The following ORC3 variants were observed in gnomAD, a reference collection of about 807,000 sequenced individuals.
The protein encoded by ORC3 is homolog of latheo, Drosophila.
In ORC3, 78 loss-of-function variants were observed where a neutral mutation model predicts 100.7. The ratio of observed to expected loss-of-function variants is 0.77; its 90% CI spans 0.65 to 0.94. The LOEUF (loss-of-function observed/expected upper bound fraction) is 0.94, where lower values mean the gene tolerates loss of function less well. Ranked by LOEUF, ORC3 falls within the 40% of genes least tolerant of loss-of-function variation. ORC3 has a pLI of 0.00. For synonymous variants in ORC3, 295 were observed against 289.3 expected (o/e 1.02, Z -0.20); for missense variants, 789 against 823.9 (o/e 0.96, Z 0.52).
intron 6 of ORC3, 147 bp from the exon 7 acceptor site, chr6:87,608,949 C>A (rs1472908708): frequency 1.9e-6 from 1 of 514,006 alleles, no homozygotes; most frequent in Non-Finnish European, 3.2e-6. Context: ...ATTCTAGTAA[C>A]CTGAGTTTCT....
chr6:87,622,114 T>C (rs980207708), intron 11 of ORC3, 101 bp downstream of exon 11: 1 of 773,998 alleles, frequency 1.3e-6, no homozygotes, highest in African/African-American at 1.8e-5. Context: ...TTTGTGCATC[T>C]TAATATTTAT....
At chr6:87,659,027 G>A (rs567677555) in intron 16 of ORC3, among the ~76,000 whole-genome samples, 11 of 140,064 alleles carry the variant, frequency 7.9e-5, no homozygotes, top group African/African-American at 2.4e-4. Context: ...TGGGGCGGGG[G>A]GGGGAGAACC....
At position 87,597,680 on chromosome 6, in the gene ORC3, TACACAC is replaced by T. The variant is rs55758892; in HGVS notation, c.79+3299_79+3304del. Among the ~76,000 whole-genome samples, 1,114 of 138,500 alleles carry T rather than the reference TACACAC, an allele frequency of 8.0e-3. 7 individuals are homozygous for T. The highest frequency in any genetic ancestry group is 0.029 in the African/African-American group (998 of 34,248). 90.9% of individuals were successfully genotyped at this position (138,500 alleles called of 152,430 possible). Reference sequence around the variant, plus strand: ...TTTTTTAAGTAATGATATATATATATACACACACACACACACACACACACACACACA... The same window carrying T: ...TTTTTTAAGTAATGATATATATATATACACACACACACACACACACACACA... On this transcript the variant is annotated intron_variant, in intron 2 of 19. Coordinates refer to ENST00000392844, the MANE Select transcript of ORC3 (RefSeq NM_012381.4).
At chr6:87,604,955 G>A (rs913300625) in intron 4 of ORC3, among the ~76,000 whole-genome samples, 4 of 152,192 alleles carry the variant, frequency 2.6e-5, no homozygotes, top group Non-Finnish European at 4.4e-5. Flanking sequence ...CAGTTTGAAA[G>A]TGGCTGCTGC....
chr6:87,621,894 A>G, intron 10 of ORC3, 56 bp from the exon 11 acceptor site: 1 of 1,211,432 alleles, frequency 8.3e-7, no homozygotes, highest in Non-Finnish European at 1.2e-6. Context: ...TATGCTATTT[A>G]AATATGTTGA....
intron 2 of ORC3, among the ~76,000 whole-genome samples, chr6:87,599,834 G>A (rs1777759628): frequency 6.6e-6 from 1 of 152,114 alleles, no homozygotes; most frequent in Admixed American, 6.5e-5. Context: ...TTAGCCAGAT[G>A]TGGTCGCGGG....
downstream of ORC3, among the ~76,000 whole-genome samples, chr6:87,671,428 C>T (rs1770829475): frequency 6.6e-6 from 1 of 151,912 alleles, no homozygotes; most frequent in Non-Finnish European, 1.5e-5. Context: ...GGAAAAATTT[C>T]AGAGGCAAAA....
At chr6:87,622,421 T>C (rs28381505) in intron 11 of ORC3, among the ~76,000 whole-genome samples, 118 of 152,236 alleles carry the variant, frequency 7.8e-4, no homozygotes, top group African/African-American at 2.8e-3. Context: ...GCTAAGTGGG[T>C]ATTGATTTGA....
chr6:87,615,449 C>T (rs28381498), intron 8 of ORC3, among the ~76,000 whole-genome samples: 1 of 152,196 alleles, frequency 6.6e-6, no homozygotes, highest in Non-Finnish European at 1.5e-5. Flanking sequence ...TAGCCACTTA[C>T]ACATGGGTTT....
At chr6:87,630,448 C>G (rs750311012) in intron 11 of ORC3, among the ~76,000 whole-genome samples, 6 of 152,082 alleles carry the variant, frequency 3.9e-5, no homozygotes, top group Non-Finnish European at 7.4e-5. Context: ...AGCCTTCATT[C>G]ATTAATGTAC....
In ORC3 at chr6:87,601,787, A is replaced by G; in HGVS notation, c.83A>G (p.Asp28Gly). ...ACTTATTTCTTTCTGTTTTTAGAGG[A>G]CTATTTTAACAAAGGGAAAAATGAG... is the stretch of plus-strand genomic sequence containing the variant. The part of the protein sequence containing the change: ...KKRKISLPIE[D>G]YFNKGKNEPE... The change falls in exon 3 of 20, where the codon GAC (aspartate) becomes GGC (glycine). Residue 28 changes from aspartate to glycine, a missense_variant. Physicochemically the swap from Asp to Gly is moderately conservative, Grantham distance 94 (BLOSUM62 -1). This residue lies in a region of ORC3 where 399 missense variants were observed against 382.0 expected (regional missense o/e 1.04). Transcript: ENST00000392844. The G allele has an allele frequency of 6.4e-7, 1 of 1,568,994 alleles. No individual in the cohort carries two copies. Among genetic ancestry groups the G allele is most frequent in the Non-Finnish European group, 8.8e-7 (1 of 1,139,526 alleles).
At position 87,621,376 on chromosome 6, in the gene ORC3, A is replaced by G. The variant is rs147755470; in HGVS notation, c.1010A>G (p.Tyr337Cys). 19 of 1,567,806 alleles carry G rather than the reference A, an allele frequency of 1.2e-5. No individual in the cohort carries two copies. Among genetic ancestry groups the G allele is most frequent in the East Asian group, 7.0e-5 (3 of 42,752 alleles). ...CAGCTTTCTCTATTAGAGCATTTCT[A>G]TTCCCAGCCCTTAAGTGTCCTGTGC... Reference protein sequence around the residue: ...GLQLSLLEHFYSQPLSVLCCN... With the variant: ...GLQLSLLEHFCSQPLSVLCCN... The change falls in exon 10 of 20, where the codon TAT becomes TGT. Residue 337 changes from tyrosine to cysteine, a missense_variant. Physicochemically the swap from Tyr to Cys is radical, Grantham distance 194. Around this residue, in one of 3 missense-constraint regions of ORC3, gnomAD observed 24 missense variants for 47.7 expected, o/e 0.50. Coordinates refer to ENST00000392844, the MANE Select transcript of ORC3 (RefSeq NM_012381.4).
chr6:87,593,400 C>T (rs1777188292), intron 1 of ORC3, among the ~76,000 whole-genome samples: 1 of 152,174 alleles, frequency 6.6e-6, no homozygotes, highest in African/African-American at 2.4e-5. Context: ...CCATAAACAA[C>T]TACGATATAC....
chr6:87,656,586 G>C (rs1769712165), intron 14 of ORC3, among the ~76,000 whole-genome samples: 1 of 148,936 alleles, frequency 6.7e-6, no homozygotes, highest in African/African-American at 2.5e-5. Context: ...GACTCCATCT[G>C]AAAAAAAAAA....
chr6:87,617,095 C>T (rs925275434), intron 9 of ORC3, among the ~76,000 whole-genome samples: 1 of 152,184 alleles, frequency 6.6e-6, no homozygotes, highest in Admixed American at 6.5e-5. Context: ...CTACGCCCAG[C>T]CCATTTTTAG....
Position 87,594,388 on chromosome 6 carries a change from A to T in ORC3, c.60A>T (p.Arg20Ser). The T allele has an allele frequency of 6.3e-7, 1 of 1,584,216 alleles. No homozygotes were observed. The highest frequency in any genetic ancestry group is 8.6e-7 in the Non-Finnish European group (1 of 1,159,486). ...CFVFKPNSKK[R>S]KISLPIEDYF... Reference sequence around the variant, plus strand: ...TTTTTAAGCCAAACTCCAAAAAGAGAAAGATCTCTCTGCCAATAGGTAAGG... The same window carrying T: ...TTTTTAAGCCAAACTCCAAAAAGAGTAAGATCTCTCTGCCAATAGGTAAGG... The change falls in exon 2 of 20, where the codon AGA becomes AGT. Residue 20 changes from arginine (R) to serine (S), a missense_variant. Arg to Ser is a moderately radical substitution (Grantham distance 110, BLOSUM62 -1). Coordinates refer to ENST00000392844, the MANE Select transcript of ORC3 (RefSeq NM_012381.4).
chr6:87,643,812 G>A (rs565753594), intron 13 of ORC3, among the ~76,000 whole-genome samples: 5 of 152,220 alleles, frequency 3.3e-5, no homozygotes, highest in African/African-American at 7.2e-5. Flanking sequence ...AGAGGACACC[G>A]TAAGTTCCAT....
At chr6:87,644,079 CTTTTTTTTTTTTTTTTTTTTTTTT>C (rs1156943778) in intron 13 of ORC3, among the ~76,000 whole-genome samples, 5 of 51,390 alleles carry the variant, frequency 9.7e-5, no homozygotes. Context: ...GCTGACTGTC[CTTTTTTTTTTTTTTTTTTTTTTTT>C]TTTTTTTGAG....
rs571801886 is a variant in ORC3 at position 87,597,215 on chromosome 6, G to A, written c.79+2808G>A. On this transcript the variant is annotated intron_variant, in intron 2 of 19. Transcript: ENST00000392844. ...ACACCTTAACCACATAGCCTGAAAC[G>A]AATTTTACATAATATTTTAAATAAT... is the stretch of plus-strand genomic sequence containing the variant. 7.9e-5 allele frequency among the ~76,000 whole-genome samples: 12 copies of A among 152,198 alleles called. No individual in the cohort carries two copies. In the South Asian group the frequency reaches 2.1e-3, roughly 26 times the overall value.
Sources: gnomAD v4.1 joint callset for allele counts (sites outside exome capture counted in the v4.1 genomes callset) on GRCh38, gnomAD v4.1.1 for gene constraint, gnomAD v4.1.1 regional missense constraint, MANE v1.5 for transcripts, NCBI Gene and HGNC (gene_info 2026-07-23, HGNC 2026-07-21) for gene names.